Variants in SAMD3 observed in about 807,000 individuals in gnomAD.
SAMD3 encodes sterile alpha motif domain-containing protein 3.
In SAMD3, 63 loss-of-function variants were observed where a neutral mutation model predicts 58.5. The observed-to-expected ratio is 1.08, with a 90% CI of 0.88 to 1.33. SAMD3 has a LOEUF of 1.33. Among genes scored for constraint, SAMD3 ranks in the 40% most tolerant of loss-of-function variants. SAMD3 has a pLI of 0.00. For synonymous variants in SAMD3, 220 were observed against 210.3 expected (o/e 1.05, Z -0.40); for missense variants, 604 against 608.4 (o/e 0.99, Z 0.08).
intron 1 of SAMD3, among the ~76,000 whole-genome samples, chr6:130,334,079 C>T (rs1777027961): frequency 6.6e-6 from 1 of 152,196 alleles, no homozygotes; most frequent in African/African-American, 2.4e-5. Context: ...TCCTCATCCC[C>T]TGGCACACTT....
chr6:130,215,681 A>C, intron 2 of SAMD3: 1 of 1,435,226 alleles, frequency 7.0e-7, no homozygotes, highest in Non-Finnish European at 9.1e-7. Context: ...CAGGCTCCTC[A>C]GGAAGTGGTT....
chr6:130,154,893 T>G lies in SAMD3; in HGVS notation c.955A>C (p.Met319Leu), dbSNP rs769135907. Residue 319 changes from methionine to leucine, a missense_variant, in exon 9 of 12, where the codon ATG becomes CTG. By Grantham distance (15) the Met-to-Leu change is conservative (BLOSUM62 2). Coordinates refer to ENST00000439090, the MANE Select transcript of SAMD3 (RefSeq NM_001017373.4). ...TTCAGAGGTGTTCGGCTGCCAATCA[T>G]CTTTCTTCTTATTTCCAAAGTTTGG... ...MSQTLEIRRK[M>L]IGSRTPLKDI... 6.2e-7 allele frequency: 1 copy of G among 1,613,526 alleles called. No individual in the cohort carries two copies. The highest frequency in any genetic ancestry group is 8.5e-7 in the Non-Finnish European group (1 of 1,179,800).
intron 1 of SAMD3, among the ~76,000 whole-genome samples, chr6:130,348,062 G>C (rs931276466): frequency 2.0e-4 from 31 of 152,086 alleles, no homozygotes; most frequent in Non-Finnish European, 8.8e-5. Context: ...TGCCTTACAA[G>C]AGCTCCTGAA....
chr6:130,188,982 A>G (rs1395445252), intron 5 of SAMD3, among the ~76,000 whole-genome samples: 3 of 151,768 alleles, frequency 2.0e-5, no homozygotes, highest in Non-Finnish European at 4.4e-5. Context: ...ATGTTGATGG[A>G]TTGTAAATCT....
chr6:130,261,988 G>C (rs1350940473), intron 2 of SAMD3, among the ~76,000 whole-genome samples: 3 of 151,874 alleles, frequency 2.0e-5, no homozygotes, highest in Non-Finnish European at 4.4e-5. Context: ...CAGAGAAAGA[G>C]AGGAAGAGAC....
At position 130,198,143 on chromosome 6, in the gene SAMD3, C is replaced by T. The variant is rs559434319; in HGVS notation, c.383+11352G>A. ...GCTGACTCTCTTTTTGGACTCAGCC[C>T]GCCTGCACCCAGGTGAAATAAACAG... On this transcript the variant is annotated intron_variant, in intron 5 of 11. Coordinates refer to ENST00000439090, the MANE Select transcript of SAMD3 (RefSeq NM_001017373.4). Among the ~76,000 whole-genome samples, 13 of 152,226 alleles carry T rather than the reference C, an allele frequency of 8.5e-5. No homozygotes were observed. In the South Asian group the frequency reaches 2.3e-3, roughly 27 times the overall value.
intron 2 of SAMD3, among the ~76,000 whole-genome samples, chr6:130,287,342 C>T (rs533878503): frequency 2.0e-5 from 3 of 152,208 alleles, no homozygotes; most frequent in Admixed American, 1.3e-4. Flanking sequence ...TTGATAGTCC[C>T]CATAGTGCCT....
At chr6:130,248,796 C>T (rs1773643518) in intron 2 of SAMD3, among the ~76,000 whole-genome samples, 1 of 152,102 alleles carries the variant, frequency 6.6e-6, no homozygotes, top group African/African-American at 2.4e-5. Context: ...ATCTATGCTC[C>T]ATTTATAAGC....
At chr6:130,343,155 T>C (rs1162250338) in intron 1 of SAMD3, among the ~76,000 whole-genome samples, 1 of 151,710 alleles carries the variant, frequency 6.6e-6, no homozygotes, top group Non-Finnish European at 1.5e-5. Context: ...CACAGAATCT[T>C]TTTCAAATAA....
At chr6:130,311,306 C>G (rs1776149903) in intron 2 of SAMD3, among the ~76,000 whole-genome samples, 1 of 152,166 alleles carries the variant, frequency 6.6e-6, no homozygotes, top group Admixed American at 6.5e-5. Context: ...ATGAAAGAGG[C>G]ATTTTATGAG....
At chr6:130,293,149 C>A (rs890550016) in intron 2 of SAMD3, among the ~76,000 whole-genome samples, 1 of 152,174 alleles carries the variant, frequency 6.6e-6, no homozygotes, top group Admixed American at 6.5e-5. Flanking sequence ...TGCATCTATA[C>A]TAGAGAAGCA....
At chr6:130,290,661 C>T (rs1054756983) in intron 2 of SAMD3, among the ~76,000 whole-genome samples, 1 of 152,094 alleles carries the variant, frequency 6.6e-6, no homozygotes, top group African/African-American at 2.4e-5. Flanking sequence ...GCTAAGAGTC[C>T]TTCAGCAAAT....
At chr6:130,281,297 GAA>G (rs1049677206) in intron 2 of SAMD3, among the ~76,000 whole-genome samples, 54 of 152,264 alleles carry the variant, frequency 3.5e-4, no homozygotes, top group African/African-American at 1.2e-3. Context: ...TTAGAGAAAT[GAA>G]AAGTCTCTTG....
intron 1 of SAMD3, among the ~76,000 whole-genome samples, chr6:130,318,753 T>C (rs1214509861): frequency 1.3e-5 from 2 of 152,208 alleles, no homozygotes; most frequent in African/African-American, 4.8e-5. Flanking sequence ...TTAATAGGCA[T>C]GGAAAGACAC....
chr6:130,350,521 T>C (rs900772786), intron 1 of SAMD3, among the ~76,000 whole-genome samples: 3 of 152,086 alleles, frequency 2.0e-5, no homozygotes, highest in Admixed American at 2.0e-4. Context: ...ACAAGGGACA[T>C]GAAGGACCTC....
intron 2 of SAMD3, among the ~76,000 whole-genome samples, chr6:130,290,159 G>GGTGT (rs71814905): frequency 2.0e-5 from 3 of 151,310 alleles, no homozygotes; most frequent in Non-Finnish European, 4.4e-5. Context: ...ACCAATATGG[G>GGTGT]GTGTGTGTGT....
intron 1 of SAMD3, among the ~76,000 whole-genome samples, chr6:130,340,511 T>C (rs1430980570): frequency 2.0e-5 from 3 of 152,228 alleles, no homozygotes; most frequent in Admixed American, 1.3e-4. Context: ...CCATCTACAG[T>C]TGTAATTCCC....
chr6:130,218,223 G>T (rs912905659), intron 1 of SAMD3, among the ~76,000 whole-genome samples: 3 of 152,178 alleles, frequency 2.0e-5, no homozygotes, highest in Non-Finnish European at 4.4e-5. Context: ...CAGAGCGAGG[G>T]TCCTGCTAGT....
chr6:130,169,606 T>C (rs1168952635), intron 8 of SAMD3, among the ~76,000 whole-genome samples: 1 of 152,214 alleles, frequency 6.6e-6, no homozygotes, highest in East Asian at 1.9e-4. Context: ...TTCAATTCCC[T>C]GTTCTTTCTG....
Sources: gnomAD v4.1 joint callset for allele counts (sites outside exome capture counted in the v4.1 genomes callset) on GRCh38, gnomAD v4.1.1 for gene constraint, MANE v1.5 for transcripts, NCBI Gene and HGNC (gene_info 2026-07-23, HGNC 2026-07-21) for gene names.